The following NLN variants were observed in gnomAD, a reference collection of about 807,000 sequenced individuals.
The protein encoded by NLN is neurolysin, mitochondrial.
A neutral mutation model predicts 79.9 loss-of-function variants in NLN; 64 were observed. The ratio of observed to expected loss-of-function variants is 0.80; its 90% CI spans 0.65 to 0.99. The LOEUF is 0.99. Ranked by LOEUF, NLN falls within the 50% of genes least tolerant of loss-of-function variation. The pLI is 0.00. For missense variants in NLN, 835 were observed against 858.7 expected (o/e 0.97, Z 0.34); for synonymous variants, 267 against 296.6 (o/e 0.90, Z 1.02).
intron 9 of NLN, among the ~76,000 whole-genome samples, chr5:65,802,296 T>C (rs1371712484): frequency 6.6e-6 from 1 of 152,184 alleles, no homozygotes; most frequent in East Asian, 1.9e-4. Context: ...ATGCTGGCTA[T>C]GGCGGTGCAA....
rs1760858979 is a variant in NLN at position 65,823,937 on chromosome 5, T to C, written c.*1022T>C. The C allele has an allele frequency of 6.6e-6, 1 of 152,182 alleles. No individual in the cohort carries two copies. Among genetic ancestry groups the C allele is most frequent in the African/African-American group, 2.4e-5 (1 of 41,440 alleles). The allele number at this position is 152,182 out of a possible 1,614,324, so 9.4% of individuals were successfully genotyped here. A position where few individuals can be genotyped will look rare whatever the true frequency, so the allele number is the denominator to read the frequency against. The stretch of plus-strand genomic sequence containing the variant: ...TGAGGACAGCTGCTCCAAAGCCTTA[T>C]GTGTATGATGAAACTTAACCACGGG... On this transcript the variant is annotated 3_prime_UTR_variant, in exon 13 of 13. Coordinates refer to ENST00000380985, the MANE Select transcript of NLN (RefSeq NM_020726.5).
chr5:65,800,190 C>T (rs1015957987), intron 9 of NLN, among the ~76,000 whole-genome samples: 3 of 152,202 alleles, frequency 2.0e-5, no homozygotes, highest in African/African-American at 7.2e-5. Context: ...TTAATTAGAA[C>T]AGTCACATGT....
Position 65,737,325 on chromosome 5 carries a change from T to G in NLN, c.41+14911T>G, listed in dbSNP as rs533730048. On this transcript the variant is annotated intron_variant, in intron 1 of 12. Transcript: ENST00000380985. ...CTAAATGGTAACATCATCTTAGCTT[T>G]GTACTTTCTGAGGGTGAAGTTACCA... 2.6e-5 allele frequency among the ~76,000 whole-genome samples: 4 copies of G among 152,286 alleles called. No homozygotes were observed. The East Asian group carries it at 7.7e-4, about 29-fold the overall frequency.
At chr5:65,744,720 G>A (rs1441657924) in intron 1 of NLN, among the ~76,000 whole-genome samples, 1 of 152,106 alleles carries the variant, frequency 6.6e-6, no homozygotes. Context: ...CCAACATGGT[G>A]AAACCTTGTC....
intron 1 of NLN, among the ~76,000 whole-genome samples, chr5:65,735,303 T>G (rs1384606820): frequency 6.6e-6 from 1 of 152,208 alleles, no homozygotes; most frequent in Non-Finnish European, 1.5e-5. Context: ...GGGCATTTCT[T>G]CATAGCAGCA....
At chr5:65,767,452 G>C (rs1023527624) in intron 3 of NLN, among the ~76,000 whole-genome samples, 1 of 152,208 alleles carries the variant, frequency 6.6e-6, no homozygotes, top group Non-Finnish European at 1.5e-5. Context: ...TATGTCCTGA[G>C]GCTGCAGAGA....
rs1464913483 is a variant in NLN, at chr5:65,763,090, G to A, written c.432G>A (p.Glu144=). The A allele has an allele frequency of 1.2e-6, 2 of 1,613,576 alleles. No individual in the cohort carries two copies. Among genetic ancestry groups the A allele is most frequent in the Non-Finnish European group, 1.7e-6 (2 of 1,179,702 alleles). Residue 144 remains glutamate, a synonymous_variant, in exon 3 of 13, where the codon GAG becomes GAA. Transcript: ENST00000380985. ...TGAGCATGAGAGGAGATATATTTGA[G>A]AGAATTGTTCATTTACAGGTAAGTG... ...IEMSMRGDIF[E]RIVHLQETCD... is the part of the protein sequence containing the mutation.
At chr5:65,771,829 C>A (rs1759573607) in intron 3 of NLN, among the ~76,000 whole-genome samples, 1 of 152,030 alleles carries the variant, frequency 6.6e-6, no homozygotes, top group African/African-American at 2.4e-5. Context: ...CCAGCCTGGG[C>A]AACATGGCAA....
At chr5:65,730,010 T>A (rs1438107229) in intron 1 of NLN, among the ~76,000 whole-genome samples, 1 of 152,250 alleles carries the variant, frequency 6.6e-6, no homozygotes, top group Admixed American at 6.5e-5. Flanking sequence ...TCTCCGTATC[T>A]GTTTCCTCCT....
rs766865341 is a variant in NLN at position 65,810,137 on chromosome 5, A to G, written c.1815A>G (p.Ser605=). Residue 605 remains serine (S), a synonymous_variant, in exon 11 of 13, where the codon TCA becomes TCG. Transcript: ENST00000380985. ...CAAGTGAATATGCCAAATACTGCTC[A>G]GAAATATTAGGAGTTGCAGCTACTC... is the stretch of plus-strand genomic sequence containing the variant. The part of the protein sequence containing the change: ...DAASEYAKYC[S]EILGVAATPG... 1.9e-6 allele frequency: 3 copies of G among 1,613,918 alleles called. No homozygotes were observed. The highest frequency in any genetic ancestry group is 2.5e-6 in the Non-Finnish European group (3 of 1,179,882).
intron 8 of NLN, among the ~76,000 whole-genome samples, chr5:65,792,021 T>A (rs999159262): frequency 6.6e-6 from 1 of 152,260 alleles, no homozygotes; most frequent in African/African-American, 2.4e-5. Flanking sequence ...GGAAAAACCT[T>A]ATCGTCAGAA....
chr5:65,819,434 C>G (rs890069794), intron 12 of NLN, among the ~76,000 whole-genome samples: 4 of 152,190 alleles, frequency 2.6e-5, no homozygotes, highest in African/African-American at 9.6e-5. Flanking sequence ...GGTCACATAG[C>G]TAAGGATTGA....
chr5:65,783,380 G>A (rs1039485164), intron 6 of NLN, among the ~76,000 whole-genome samples: 3 of 152,124 alleles, frequency 2.0e-5, no homozygotes, highest in African/African-American at 7.2e-5. Context: ...TCCTCAGGGT[G>A]TGGCTTTCAG....
chr5:65,722,617 G>A (rs1439331719), intron 1 of NLN: 1 of 538,084 alleles, frequency 1.9e-6, no homozygotes, highest in Admixed American at 3.7e-5. Context: ...CCGCTCCCTC[G>A]GGAGGACGTC....
At chr5:65,804,990 G>A (rs1471491673) in intron 9 of NLN, among the ~76,000 whole-genome samples, 3 of 152,062 alleles carry the variant, frequency 2.0e-5, no homozygotes, top group Non-Finnish European at 4.4e-5. Flanking sequence ...TCACATTTTT[G>A]TAATTCTCAC....
chr5:65,809,958 T>C, intron 10 of NLN, 79 bp from the exon 11 acceptor site: 2 of 1,497,552 alleles, frequency 1.3e-6, no homozygotes, highest in Non-Finnish European at 1.8e-6. Context: ...AATCTGTTTT[T>C]GGAATCTACA....
chr5:65,800,999 G>A (rs1039221309), intron 9 of NLN, among the ~76,000 whole-genome samples: 3 of 151,982 alleles, frequency 2.0e-5, no homozygotes, highest in African/African-American at 7.2e-5. Context: ...GGCCAAAATC[G>A]TGTATTTAGA....
chr5:65,733,444 G>C, intron 1 of NLN: 2 of 1,449,044 alleles, frequency 1.4e-6, no homozygotes, highest in Non-Finnish European at 1.9e-6. Context: ...GGCGGGCTGA[G>C]CAAGTTAGGC....
intron 1 of NLN, among the ~76,000 whole-genome samples, chr5:65,723,583 G>A (rs1758371900): frequency 6.6e-6 from 1 of 152,136 alleles, no homozygotes. Context: ...GGGAGGCCGA[G>A]GCGGGTGGAT....
Sources: allele counts gnomAD v4.1 joint callset (sites outside exome capture counted in the v4.1 genomes callset), GRCh38; gene constraint gnomAD v4.1.1; transcripts MANE v1.5; gene names NCBI Gene and HGNC (gene_info 2026-07-23, HGNC 2026-07-21).